Variants in ZNF638 observed in about 807,000 individuals in gnomAD.
ZNF638 encodes the protein zinc finger protein 638.
ZNF638 carries 46 observed loss-of-function variants against 195.6 expected under a neutral mutation model. That is an observed-to-expected ratio of 0.24 (90% CI 0.19 to 0.30). ZNF638 has a LOEUF of 0.30. ZNF638 is among the 10% of genes least tolerant of loss of function. ZNF638 has a pLI of 1.00. For missense variants in ZNF638, 2,440 were observed against 2,325.3 expected (o/e 1.05, Z -1.01); for synonymous variants, 845 against 772.0 (o/e 1.09, Z -1.57).
At chr2:71,367,283 G>A (rs868458052) in intron 6 of ZNF638, among the ~76,000 whole-genome samples, 5 of 151,710 alleles carry the variant, frequency 3.3e-5, no homozygotes, top group Middle Eastern at 6.8e-3. Flanking sequence ...AGAGAAATGG[G>A]GGTCTCGCTT....
intron 12 of ZNF638, 34 bp downstream of exon 12, chr2:71,398,806 T>C: frequency 6.6e-7 from 1 of 1,516,406 alleles, no homozygotes; most frequent in Non-Finnish European, 9.0e-7. Flanking sequence ...TTTTATTGTT[T>C]ATTCTTTATT....
intron 10 of ZNF638, chr2:71,393,714 C>T: frequency 3.0e-6 from 2 of 674,866 alleles, no homozygotes; most frequent in Non-Finnish European, 2.8e-6. Context: ...CGGCTACACT[C>T]TATTGGGCTC....
Position 71,423,344 on chromosome 2 carries a change from C to G in ZNF638, c.3830C>G (p.Ser1277Ter). 1 of 1,613,770 alleles carries G rather than the reference C, an allele frequency of 6.2e-7. No homozygotes were observed. The highest frequency in any genetic ancestry group is 8.5e-7 in the Non-Finnish European group (1 of 1,179,982). ...KNETVSEILP[S>*]TCIVTLVPGI... ...GAAACTGTTTCGGAAATATTGCCAT[C>G]AACTTGTATTGTGACGTTAGTACCA... Residue 1277 changes from serine (S) to a stop codon, truncating the protein, a stop_gained, in exon 22 of 28, where the codon TCA becomes TGA. Coordinates refer to ENST00000264447, the MANE Select transcript of ZNF638 (RefSeq NM_014497.5). LOFTEE classifies it high-confidence loss of function.
intron 10 of ZNF638, among the ~76,000 whole-genome samples, chr2:71,387,345 A>T (rs773566992): frequency 1.3e-5 from 2 of 152,164 alleles, no homozygotes; most frequent in Non-Finnish European, 2.9e-5. Context: ...TTATTCATTA[A>T]ATTAGCTACT....
intron 19 of ZNF638, 24 bp downstream of exon 19, chr2:71,406,286 G>C: frequency 6.2e-7 from 1 of 1,601,666 alleles, no homozygotes; most frequent in Non-Finnish European, 8.6e-7. Context: ...TCATAATTTA[G>C]CTATTCATTC....
At chr2:71,347,060 C>G (rs2078862409) in intron 1 of ZNF638, among the ~76,000 whole-genome samples, 1 of 151,924 alleles carries the variant, frequency 6.6e-6, no homozygotes, top group African/African-American at 2.4e-5. Context: ...TATTGGAAGA[C>G]TCACTCTTGG....
At chr2:71,393,383 AC>A (rs1011252354) in intron 10 of ZNF638, 27 of 717,198 alleles carry the variant, frequency 3.8e-5, no homozygotes, top group Non-Finnish European at 6.8e-5. Flanking sequence ...TTGTGTTCAC[AC>A]CCCCCTCAGG....
chr2:71,343,626 G>T (rs1315202473), intron 1 of ZNF638, among the ~76,000 whole-genome samples: 1 of 152,196 alleles, frequency 6.6e-6, no homozygotes, highest in Non-Finnish European at 1.5e-5. Context: ...AGAGAGATTA[G>T]ATTGTCTCCT....
intron 6 of ZNF638, among the ~76,000 whole-genome samples, chr2:71,367,431 ATTTTTTT>A (rs3077439): frequency 0.021 from 2,325 of 112,724 alleles, 34 homozygotes; most frequent in Non-Finnish European, 0.025. Flanking sequence ...GGGTGTTTTA[ATTTTTTT>A]TTTTTTTTTT....
intron 21 of ZNF638, 41 bp downstream of exon 21, chr2:71,418,680 T>C (rs747413430): frequency 7.1e-7 from 1 of 1,408,470 alleles, no homozygotes; most frequent in South Asian, 1.5e-5. Context: ...GTATAGTATT[T>C]AGTTTCTGAA....
In ZNF638 at chr2:71,433,172, C is replaced by G; in HGVS notation, c.5760C>G (p.Asp1920Glu). ...SVASDVPEELDFLVPKAGFFC... is the reference protein window; with the variant it reads ...SVASDVPEELEFLVPKAGFFC... Reference sequence around the variant, plus strand: ...TCTCTTCTTATCCTCTAGAATTAGACTTTCTTGTACCTAAGGCTGGATTCT... The same window carrying G: ...TCTCTTCTTATCCTCTAGAATTAGAGTTTCTTGTACCTAAGGCTGGATTCT... Residue 1920 changes from aspartate (D) to glutamate (E), a missense_variant, in exon 27 of 28, where the codon GAC (aspartate) becomes GAG (glutamate). Asp to Glu is a conservative substitution (Grantham distance 45, BLOSUM62 2). This residue lies in a region of ZNF638 where 1,883 missense variants were observed against 1,739.1 expected (regional missense o/e 1.08). Transcript: ENST00000264447. The G allele has an allele frequency of 6.2e-7, 1 of 1,607,012 alleles. No individual in the cohort carries two copies. The highest frequency in any genetic ancestry group is 2.2e-5 in the East Asian group (1 of 44,830).
intron 17 of ZNF638, 109 bp from the exon 18 acceptor site, chr2:71,405,492 C>A: frequency 1.5e-6 from 1 of 656,350 alleles, no homozygotes; most frequent in South Asian, 2.0e-5. Context: ...TTATAAAATA[C>A]TTTGTAATGC....
In ZNF638 at chr2:71,376,833, T is replaced by C. The variant is rs1428974200; in HGVS notation, c.2266-3389T>C. ...CTAGTCTTTAATAATAATAATTTAATAATAACCTCGACATCCATTCTTAGC... is the reference window on the plus strand; with the variant it reads ...CTAGTCTTTAATAATAATAATTTAACAATAACCTCGACATCCATTCTTAGC... On this transcript the variant is annotated intron_variant, in intron 8 of 27. Coordinates refer to ENST00000264447, the MANE Select transcript of ZNF638 (RefSeq NM_014497.5). 2.0e-5 allele frequency among the ~76,000 whole-genome samples: 3 copies of C among 152,208 alleles called. 1 individual carries two copies. Among genetic ancestry groups the C allele is most frequent in the African/African-American group, 7.2e-5 (3 of 41,456 alleles).
At chr2:71,335,023 A>G (rs538983607) in intron 1 of ZNF638, among the ~76,000 whole-genome samples, 2 of 152,232 alleles carry the variant, frequency 1.3e-5, no homozygotes, top group African/African-American at 4.8e-5. Flanking sequence ...AGTCCAGGAA[A>G]CAGGAGAAAT....
chr2:71,388,536 C>T (rs376698081), intron 10 of ZNF638: 15 of 720,830 alleles, frequency 2.1e-5, no homozygotes, highest in African/African-American at 3.5e-5. Flanking sequence ...GTTCTCTCTT[C>T]GGCGTCTCTA....
Position 71,423,417 on chromosome 2 carries a change from T to G in ZNF638, c.3903T>G (p.Ser1301=). 1 of 1,612,450 alleles carries G rather than the reference T, an allele frequency of 6.2e-7. No individual in the cohort carries two copies. The highest frequency in any genetic ancestry group is 8.5e-7 in the Non-Finnish European group (1 of 1,179,624). Residue 1301 remains serine (S), a synonymous_variant, in exon 22 of 28, where the codon TCT becomes TCG. Coordinates refer to ENST00000264447, the MANE Select transcript of ZNF638 (RefSeq NM_014497.5). ...AGACAGTGGACAAAAAGAATATTTC[T>G]GAAAAAAAAGGTAACATGGATGAAA... ...DEKTVDKKNI[S]EKKGNMDEKE... is the part of the protein sequence containing the mutation.
At chr2:71,392,816 A>G (rs1269383400) in intron 10 of ZNF638, among the ~76,000 whole-genome samples, 1 of 152,216 alleles carries the variant, frequency 6.6e-6, no homozygotes, top group Non-Finnish European at 1.5e-5. Flanking sequence ...TGTTAACCTT[A>G]GAGGACTAGA....
Position 71,424,643 on chromosome 2 carries a change from A to C in ZNF638, c.4525-7A>C. On this transcript the variant is annotated splice_region_variant and splice_polypyrimidine_tract_variant and intron_variant, in intron 22 of 27. Coordinates refer to ENST00000264447, the MANE Select transcript of ZNF638 (RefSeq NM_014497.5). Reference sequence around the variant, plus strand: ...CGTTTTTCTGTATTTCTTATTTACTATTTCAGACTTTGGCTGAGCAAAACA... The same window carrying C: ...CGTTTTTCTGTATTTCTTATTTACTCTTTCAGACTTTGGCTGAGCAAAACA... 1 of 1,607,174 alleles carries C rather than the reference A, an allele frequency of 6.2e-7. No individual in the cohort carries two copies. Among genetic ancestry groups the C allele is most frequent in the South Asian group, 1.1e-5 (1 of 89,816 alleles).
At chr2:71,431,823 A>C (rs1262125058) in intron 26 of ZNF638, among the ~76,000 whole-genome samples, 1 of 152,106 alleles carries the variant, frequency 6.6e-6, no homozygotes, top group Non-Finnish European at 1.5e-5. Flanking sequence ...GTAATTGGGT[A>C]ACCTTGGCTG....
Sources: gnomAD v4.1 joint callset for allele counts (sites outside exome capture counted in the v4.1 genomes callset) on GRCh38, gnomAD v4.1.1 for gene constraint, gnomAD v4.1.1 regional missense constraint, MANE v1.5 for transcripts, NCBI Gene and HGNC (gene_info 2026-07-23, HGNC 2026-07-21) for gene names.